Variants in DOCK8 observed in about 807,000 individuals in gnomAD.
The protein encoded by DOCK8 is dedicator of cytokinesis 8.
A neutral mutation model predicts 245.6 loss-of-function variants in DOCK8; 141 were observed. The ratio of observed to expected loss-of-function variants is 0.57; its 90% CI spans 0.50 to 0.66. The LOEUF is 0.66. Among genes scored for constraint, DOCK8 ranks in the 30% least tolerant of loss-of-function variants. DOCK8 has a pLI of 0.00. For missense variants in DOCK8, 2,965 were observed against 2,603.4 expected (o/e 1.14, Z -3.02); for synonymous variants, 1,168 against 970.2 (o/e 1.20, Z -3.79).
intron 39 of DOCK8, among the ~76,000 whole-genome samples, chr9:437,778 C>A (rs1018819885): frequency 1.1e-4 from 17 of 152,186 alleles, no homozygotes; most frequent in African/African-American, 3.9e-4. Context: ...AATTCTGTGT[C>A]CCAGAGTGCA....
chr9:288,744 G>A (rs1367338706), intron 3 of DOCK8, among the ~76,000 whole-genome samples: 2 of 152,200 alleles, frequency 1.3e-5, no homozygotes, highest in Admixed American at 1.3e-4. Context: ...TATAAGCGAT[G>A]AAGCTGGGAT....
intron 30 of DOCK8, 105 bp downstream of exon 30, chr9:418,312 C>T (rs1399010734): frequency 1.3e-6 from 2 of 1,508,518 alleles, no homozygotes; most frequent in African/African-American, 2.7e-5. Flanking sequence ...CACTCTGTTG[C>T]ACAGGCTGGA....
rs749832302 is a variant in DOCK8, at chr9:441,374, C to G, written c.5312C>G (p.Thr1771Ser). 8 of 1,614,232 alleles carry G rather than the reference C, an allele frequency of 5.0e-6. No homozygotes were observed. The highest frequency in any genetic ancestry group is 1.7e-5 in the Admixed American group (1 of 60,036). ...CGAGAATTCCGGAAGCTGACACTCA[C>G]TCACAGCAAGCTGCAGAGAGCCTTC... Reference protein sequence around the residue: ...AHREFRKLTLTHSKLQRAFDS... With the variant: ...AHREFRKLTLSHSKLQRAFDS... The change falls in exon 41 of 48, where the codon ACT becomes AGT. Residue 1771 changes from threonine to serine, a missense_variant. Thr to Ser is a moderately conservative substitution (Grantham distance 58). Around this residue, in one of 3 missense-constraint regions of DOCK8, gnomAD observed 2,825 missense variants for 2,453.5 expected, o/e 1.15. Transcript: ENST00000432829.
intron 1 of DOCK8, among the ~76,000 whole-genome samples, chr9:232,074 A>G (rs1185425052): frequency 6.6e-6 from 1 of 152,170 alleles, no homozygotes; most frequent in Non-Finnish European, 1.5e-5. Context: ...TGTCCCATCA[A>G]TACCTAATTT....
In DOCK8 at chr9:375,468, G is replaced by A. The variant is rs140262064; in HGVS notation, c.2110-742G>A. Among the ~76,000 whole-genome samples the A allele has an allele frequency of 6.0e-3, 907 of 152,258 alleles. 4 individuals carry two copies. Among genetic ancestry groups the A allele is most frequent in the Non-Finnish European group, 9.9e-3 (671 of 68,030 alleles). On this transcript the variant is annotated intron_variant, in intron 18 of 47. Coordinates refer to ENST00000432829, the MANE Select transcript of DOCK8 (RefSeq NM_203447.4). ...CTGTGGTGAAAGGGAAAGTAATATC[G>A]GGTACTCAAAAGTATTAAAATTTCA...
chr9:269,590 C>G (rs182071562), intron 1 of DOCK8, among the ~76,000 whole-genome samples: 1 of 139,036 alleles, frequency 7.2e-6, no homozygotes, highest in Non-Finnish European at 1.5e-5. Context: ...GAGTCTTGCT[C>G]CGTCACCCAG....
intron 9 of DOCK8, among the ~76,000 whole-genome samples, chr9:331,996 T>C (rs2051032931): frequency 1.3e-5 from 2 of 152,260 alleles, no homozygotes. Flanking sequence ...AAATGAGTTT[T>C]CCACTTCCTA....
chr9:392,396 C>T (rs79042538), intron 24 of DOCK8, among the ~76,000 whole-genome samples: 1,807 of 152,272 alleles, frequency 0.012, 26 homozygotes, highest in South Asian at 0.017. Flanking sequence ...TTTGCAAAGT[C>T]CCAACCTCTG....
chr9:447,442 G>C (rs1465758072), intron 44 of DOCK8, among the ~76,000 whole-genome samples: 1 of 152,128 alleles, frequency 6.6e-6, no homozygotes, highest in African/African-American at 2.4e-5. Context: ...TGTGTAAGCA[G>C]AGTGAGAGCT....
intron 30 of DOCK8, 134 bp from the exon 31 acceptor site, chr9:420,267 C>G: frequency 2.0e-6 from 2 of 981,060 alleles, no homozygotes; most frequent in Non-Finnish European, 3.1e-6. Flanking sequence ...AGATCTCCAG[C>G]CTAGCAGTGA....
chr9:212,353 G>T (rs994115134), upstream of DOCK8, among the ~76,000 whole-genome samples: 10 of 152,138 alleles, frequency 6.6e-5, no homozygotes, highest in African/African-American at 2.4e-4. Context: ...GGGAAGAGTT[G>T]TATAAAGGTG....
At position 405,016 on chromosome 9, in the gene DOCK8, T is replaced by G. The variant is rs768845988; in HGVS notation, c.3333T>G (p.Leu1111=). The G allele has an allele frequency of 1.9e-6, 3 of 1,613,974 alleles. No homozygotes were observed. Among genetic ancestry groups the G allele is most frequent in the Non-Finnish European group, 2.5e-6 (3 of 1,179,948 alleles). ...CSHEHYLNLN[L]FFMNADTAPT... is the part of the protein sequence containing the mutation. ...ATGAGCATTACCTCAATCTGAACCT[T>G]TTTTTTATGAATGCTGATACTGCTC... The change falls in exon 27 of 48, where the codon CTT becomes CTG. Residue 1111 remains leucine (L), a synonymous_variant. Coordinates refer to ENST00000432829, the MANE Select transcript of DOCK8 (RefSeq NM_203447.4).
chr9:426,264 C>T (rs1254428555), intron 33 of DOCK8, among the ~76,000 whole-genome samples: 1 of 152,162 alleles, frequency 6.6e-6, no homozygotes, highest in African/African-American at 2.4e-5. Context: ...CCAGTAATGT[C>T]CGGCAGGATA....
At chr9:344,979 G>C (rs2051806385) in intron 14 of DOCK8, among the ~76,000 whole-genome samples, 1 of 152,138 alleles carries the variant, frequency 6.6e-6, no homozygotes, top group African/African-American at 2.4e-5. Flanking sequence ...TTGAACCCAG[G>C]AGGCAGAGGT....
At chr9:265,678 G>C (rs918405694) in intron 1 of DOCK8, among the ~76,000 whole-genome samples, 4 of 152,134 alleles carry the variant, frequency 2.6e-5, no homozygotes, top group African/African-American at 9.7e-5. Flanking sequence ...CATACCAGCA[G>C]ATAATGAAAG....
rs891473283 is a variant in DOCK8, at chr9:413,406, CTG to C, written c.3531-1375_3531-1374del. On this transcript the variant is annotated intron_variant, in intron 28 of 47. Transcript: ENST00000432829. ...TGAGTAACAAGAAAAAAATAGATAA[CTG>C]GACTTCAGTAAAATTAAAACTTTTG... 2.7e-4 allele frequency among the ~76,000 whole-genome samples: 40 copies of C among 149,330 alleles called. 1 individual carries two copies. Among genetic ancestry groups the C allele is most frequent in the African/African-American group, 9.3e-4 (38 of 40,906 alleles).
chr9:464,118 C>A, intron 47 of DOCK8, 41 bp from the exon 48 acceptor site: 4 of 1,532,988 alleles, frequency 2.6e-6, no homozygotes, highest in Non-Finnish European at 3.6e-6. Flanking sequence ...TGCTTCTGTA[C>A]GCTCTCTTTC....
At position 339,138 on chromosome 9, in the gene DOCK8, A is replaced by G. The variant is rs754496826; in HGVS notation, c.1516+39A>G. 7.1e-6 allele frequency: 11 copies of G among 1,546,840 alleles called. No homozygotes were observed. In the African/African-American group the frequency reaches 1.1e-4, roughly 15 times the overall value. ...ATCTTTATCCTCTTTAGCTGTGCCA[A>G]AACTGCTTATCGTTAGACACAGTCT... On this transcript the variant is annotated intron_variant, in intron 13 of 47. Transcript: ENST00000432829.
Position 433,900 on chromosome 9 carries a change from A to G in DOCK8, c.4811A>G (p.Asn1604Ser), listed in dbSNP as rs754219779. The G allele has an allele frequency of 6.8e-6, 11 of 1,614,082 alleles. No individual in the cohort carries two copies. Among genetic ancestry groups the G allele is most frequent in the Middle Eastern group, 3.3e-4 (2 of 6,062 alleles). Residue 1604 changes from asparagine (N) to serine (S), a missense_variant, in exon 38 of 48, where the codon AAT becomes AGT. Physicochemically the swap from Asn to Ser is conservative, Grantham distance 46 (BLOSUM62 1). Coordinates refer to ENST00000432829, the MANE Select transcript of DOCK8 (RefSeq NM_203447.4). The part of the protein sequence containing the change: ...TQVEELLCNL[N>S]SILYDTVKMR... ...GTGGAGGAACTTCTCTGTAATCTGA[A>G]TAGCATCTTATATGACACAGTGAAA... is the stretch of plus-strand genomic sequence containing the variant.
Sources: gnomAD v4.1 joint callset for allele counts (sites outside exome capture counted in the v4.1 genomes callset) on GRCh38, gnomAD v4.1.1 for gene constraint, gnomAD v4.1.1 regional missense constraint, MANE v1.5 for transcripts, NCBI Gene and HGNC (gene_info 2026-07-23, HGNC 2026-07-21) for gene names.